Variants in GLP2R observed in about 807,000 individuals in gnomAD.
GLP2R encodes the protein glucagon like peptide 2 receptor, also known as glucagon-like peptide 2 receptor.
GLP2R carries 59 observed loss-of-function variants against 68.2 expected under a neutral mutation model. The ratio of observed to expected loss-of-function variants is 0.87; its 90% confidence interval spans 0.70 to 1.07. The LOEUF (loss-of-function observed/expected upper bound fraction) is 1.07. Ranked by LOEUF, GLP2R falls within the 50% of genes least tolerant of loss-of-function variation. GLP2R has a pLI of 0.00. For synonymous variants in GLP2R, 270 were observed against 265.4 expected (o/e 1.02, Z -0.17); for missense variants, 548 against 677.4 (o/e 0.81, Z 2.12).
chr17:9,840,755 A>T (rs961537149), intron 3 of GLP2R, among the ~76,000 whole-genome samples: 3 of 152,190 alleles, frequency 2.0e-5, no homozygotes, highest in Non-Finnish European at 4.4e-5. Context: ...TTTGGTGAAG[A>T]TGTAGAAAAG....
At chr17:9,853,133 A>G in intron 4 of GLP2R, 1 of 504,534 alleles carries the variant, frequency 2.0e-6, no homozygotes, top group East Asian at 4.7e-5. Context: ...CTGCGTCAAC[A>G]ATGTGCAATC....
chr17:9,857,600 C>T (rs983963904), intron 6 of GLP2R, 24 bp downstream of exon 6: 1 of 1,612,078 alleles, frequency 6.2e-7, no homozygotes, highest in Non-Finnish European at 8.5e-7. Flanking sequence ...CCACTGTTTA[C>T]ACTGGACTCC....
chr17:9,874,269 T>C, intron 10 of GLP2R, among the ~76,000 whole-genome samples: 1 of 152,116 alleles, frequency 6.6e-6, no homozygotes, highest in East Asian at 1.9e-4. Flanking sequence ...GGGTGACTGC[T>C]TTGTGGGGAG....
rs747605668 is a variant in GLP2R at position 9,842,654 on chromosome 17, C to T, written c.504+38C>T. ...AGCTCAGTGAGGAGGCATCCAGGGTCCAAACCACCCTCCTTCGGGACACCC... is the reference window on the plus strand; with the variant it reads ...AGCTCAGTGAGGAGGCATCCAGGGTTCAAACCACCCTCCTTCGGGACACCC... On this transcript the variant is annotated intron_variant, in intron 4 of 12. Transcript: ENST00000262441. 13 of 1,610,110 alleles carry T rather than the reference C, an allele frequency of 8.1e-6. No individual in the cohort carries two copies. The South Asian group carries it at 1.2e-4, about 15-fold the overall frequency.
rs569825585 is a variant in GLP2R at position 9,833,460 on chromosome 17, G to A, written c.190-347G>A. Among the ~76,000 whole-genome samples the A allele has an allele frequency of 3.9e-5, 6 of 152,276 alleles. No individual in the cohort carries two copies. In the East Asian group the frequency reaches 7.7e-4, roughly 20 times the overall value. On this transcript the variant is annotated intron_variant, in intron 1 of 12. Transcript: ENST00000262441. The stretch of plus-strand genomic sequence containing the variant: ...ACATTGTTGCGTCTTAGTGTGATGC[G>A]TCTCTCTTTGGGATCTACGTAGTCT...
intron 9 of GLP2R, among the ~76,000 whole-genome samples, chr17:9,868,218 G>A (rs570211733): frequency 6.6e-6 from 1 of 152,286 alleles, no homozygotes; most frequent in Non-Finnish European, 1.5e-5. Flanking sequence ...GGGCTCTTGG[G>A]GAAAGAGTGT....
At chr17:9,835,090 G>A (rs545355250) in intron 2 of GLP2R, among the ~76,000 whole-genome samples, 3 of 142,544 alleles carry the variant, frequency 2.1e-5, no homozygotes, top group South Asian at 2.5e-4. Flanking sequence ...GTGCAGTGGC[G>A]CGATCTCAGC....
intron 3 of GLP2R, among the ~76,000 whole-genome samples, chr17:9,837,236 C>T (rs759234868): frequency 2.6e-5 from 4 of 152,132 alleles, no homozygotes; most frequent in African/African-American, 9.7e-5. Context: ...TTGTACCCAT[C>T]ATCCCTCCCC....
intron 9 of GLP2R, among the ~76,000 whole-genome samples, chr17:9,862,430 C>T (rs779108046): frequency 2.2e-4 from 33 of 152,118 alleles, no homozygotes; most frequent in African/African-American, 7.0e-4. Context: ...GCAGGGGTAT[C>T]GGCTTATATC....
intron 8 of GLP2R, 130 bp from the exon 9 acceptor site, chr17:9,861,891 C>G (rs2066990660): frequency 1.1e-5 from 8 of 729,014 alleles, no homozygotes; most frequent in Admixed American, 2.0e-5. Flanking sequence ...TCTCCCACCC[C>G]TCAGGGGACT....
Position 9,878,500 on chromosome 17 carries a change from G to A in GLP2R, c.1146-1878G>A, listed in dbSNP as rs76282797. On this transcript the variant is annotated intron_variant, in intron 10 of 12. Coordinates refer to ENST00000262441, the MANE Select transcript of GLP2R (RefSeq NM_004246.3). ...TAGGAGCATATTAATGTTGCCTAGCGAAATGACTTCTGTAGGGGTGGGTGT... is the reference window on the plus strand; with the variant it reads ...TAGGAGCATATTAATGTTGCCTAGCAAAATGACTTCTGTAGGGGTGGGTGT... 2.8e-3 allele frequency among the ~76,000 whole-genome samples: 430 copies of A among 152,282 alleles called. 1 individual carries two copies. The highest frequency in any genetic ancestry group is 9.7e-3 in the African/African-American group (402 of 41,554).
intron 3 of GLP2R, among the ~76,000 whole-genome samples, chr17:9,837,911 AAATC>A (rs2066748338): frequency 6.6e-6 from 1 of 152,170 alleles, no homozygotes; most frequent in Non-Finnish European, 1.5e-5. Flanking sequence ...TCAGCCCGAT[AAATC>A]ATCCCATTGT....
In GLP2R at chr17:9,889,947, T is replaced by C. The variant is rs2067277340; in HGVS notation, c.*242T>C. On this transcript the variant is annotated 3_prime_UTR_variant, in exon 13 of 13. Transcript: ENST00000262441. ...ACCCCCACCAGTGTGTTTTCCACAA[T>C]GCCCACCAGACCCTAGGGCCTGGCT... The C allele has an allele frequency of 1.7e-6, 1 of 581,944 alleles. No homozygotes were observed. The highest frequency in any genetic ancestry group is 3.2e-6 in the Non-Finnish European group (1 of 308,484). The allele number at this position is 581,944 out of a possible 1,614,324, so 36.0% of individuals were successfully genotyped here.
At chr17:9,885,409 A>G (rs1362214020) in intron 11 of GLP2R, among the ~76,000 whole-genome samples, 1 of 151,900 alleles carries the variant, frequency 6.6e-6, no homozygotes, top group Non-Finnish European at 1.5e-5. Flanking sequence ...CTCAGGGTAG[A>G]TAGTTCTTTT....
chr17:9,833,986 A>C (rs2152030342), intron 2 of GLP2R, 92 bp downstream of exon 2: 52 of 816,898 alleles, frequency 6.4e-5, no homozygotes, highest in East Asian at 1.3e-4. Flanking sequence ...ATTACTTCTC[A>C]TAGTTTCTGT....
At chr17:9,861,105 C>G in intron 7 of GLP2R, 34 bp from the exon 8 acceptor site, 1 of 1,591,628 alleles carries the variant, frequency 6.3e-7, no homozygotes, top group Non-Finnish European at 8.6e-7. Flanking sequence ...GGCCAACCAA[C>G]TCCTAACTAC....
intron 1 of GLP2R, among the ~76,000 whole-genome samples, chr17:9,830,655 G>A (rs193289209): frequency 9.8e-5 from 15 of 152,300 alleles, no homozygotes; most frequent in Admixed American, 2.6e-4. Flanking sequence ...GGGGTGCTAT[G>A]AGATATTTTA....
Position 9,891,815 on chromosome 17 carries a change from G to A in GLP2R, c.*2110G>A, listed in dbSNP as rs1327786152. On this transcript the variant is annotated 3_prime_UTR_variant, in exon 13 of 13. Transcript: ENST00000262441. The stretch of plus-strand genomic sequence containing the variant: ...CCTGCCTCGGCTCATCAGCCAATTA[G>A]CTCCTAGAAAGCTGGGGTCATCTCG... 6.6e-6 allele frequency: 1 copy of A among 152,140 alleles called. No homozygotes were observed. Among genetic ancestry groups the A allele is most frequent in the Admixed American group, 6.6e-5 (1 of 15,266 alleles). 9.4% of individuals were successfully genotyped at this position (152,140 alleles called of 1,614,324 possible).
Position 9,857,500 on chromosome 17 carries a change from T to C in GLP2R, c.689T>C (p.Val230Ala), listed in dbSNP as rs141478969. Residue 230 changes from valine to alanine, a missense_variant, in exon 6 of 13, where the codon GTG (valine) becomes GCG (alanine). Physicochemically the swap from Val to Ala is moderately conservative, Grantham distance 64. Transcript: ENST00000262441. ...ATCCTGAGAACCCTGGCTGTACTGG[T>C]GAAGGACGTCGTCTTCTACAACTCT... The part of the protein sequence containing the change: ...SFILRTLAVL[V>A]KDVVFYNSYS... The C allele has an allele frequency of 2.3e-4, 365 of 1,614,010 alleles. No individual in the cohort carries two copies. Among genetic ancestry groups the C allele is most frequent in the Non-Finnish European group, 3.0e-4 (352 of 1,180,012 alleles).
Sources: allele counts gnomAD v4.1 joint callset (sites outside exome capture counted in the v4.1 genomes callset), GRCh38; gene constraint gnomAD v4.1.1; transcripts MANE v1.5; gene names NCBI Gene and HGNC (gene_info 2026-07-23, HGNC 2026-07-21).